CNTNAP2: variants seen among roughly 807,000 people sequenced by gnomAD.
CNTNAP2 encodes the protein contactin-associated protein-like 2.
Under a neutral mutation model 155.2 loss-of-function variants are expected in CNTNAP2, and 98 were observed. That is an observed-to-expected ratio of 0.63 (90% CI 0.54 to 0.75). The LOEUF (loss-of-function observed/expected upper bound fraction) is 0.75, where lower values mean the gene tolerates loss of function less well. Among genes scored for constraint, CNTNAP2 ranks in the 30% least tolerant of loss-of-function variants. The probability of loss-of-function intolerance (pLI) is 0.00; values close to 1 mark genes in which losing one functional copy is unlikely to be tolerated. For synonymous variants in CNTNAP2, 651 were observed against 631.2 expected (o/e 1.03, Z -0.47); for missense variants, 1,727 against 1,688.1 (o/e 1.02, Z -0.40).
intron 1 of CNTNAP2, among the ~76,000 whole-genome samples, chr7:146,227,509 A>G (rs2116907585): frequency 6.6e-6 from 1 of 151,832 alleles, no homozygotes; most frequent in Non-Finnish European, 1.5e-5. Context: ...GACTCTAGTT[A>G]TTGACACTAT....
chr7:148,067,955 T>G (rs1321561879), intron 15 of CNTNAP2, among the ~76,000 whole-genome samples: 1 of 152,020 alleles, frequency 6.6e-6, no homozygotes, highest in Admixed American at 6.6e-5. Flanking sequence ...CTGGCCTCAC[T>G]CACTTCCCAC....
At chr7:146,313,031 A>G (rs1427550781) in intron 1 of CNTNAP2, among the ~76,000 whole-genome samples, 1 of 152,206 alleles carries the variant, frequency 6.6e-6, no homozygotes, top group Non-Finnish European at 1.5e-5. Context: ...GAATGCCGAT[A>G]TCTCCTTGAC....
At chr7:146,492,198 A>G (rs1273744017) in intron 1 of CNTNAP2, among the ~76,000 whole-genome samples, 1 of 146,116 alleles carries the variant, frequency 6.8e-6, no homozygotes, top group Admixed American at 6.8e-5. Flanking sequence ...CCAAATACAT[A>G]TAAAAGGTTG....
chr7:147,868,441 G>A (rs1222545397), intron 13 of CNTNAP2, among the ~76,000 whole-genome samples: 1 of 152,216 alleles, frequency 6.6e-6, no homozygotes, highest in East Asian at 1.9e-4. Context: ...CCCACTTGAG[G>A]AGGCAGTCTG....
intron 8 of CNTNAP2, among the ~76,000 whole-genome samples, chr7:147,268,208 A>ATTTAAATGTATGTACATCCTC (rs141507068): frequency 0.12 from 18,646 of 152,004 alleles, 1,222 homozygotes; most frequent in Non-Finnish European, 0.15. Context: ...CTATCTAAAA[A>ATTTAAATGTATGTACATCCTC]TTTAAATGTA....
chr7:148,210,303 G>A (rs1795523120), intron 18 of CNTNAP2, among the ~76,000 whole-genome samples: 2 of 152,214 alleles, frequency 1.3e-5, no homozygotes, highest in Admixed American at 6.5e-5. Flanking sequence ...GAAGTTAGCT[G>A]TAGTGAAGCC....
At chr7:146,197,618 C>T (rs1486610178) in intron 1 of CNTNAP2, among the ~76,000 whole-genome samples, 2 of 152,102 alleles carry the variant, frequency 1.3e-5, no homozygotes, top group East Asian at 3.9e-4. Flanking sequence ...TTAAGTATAA[C>T]TTTAAGCCAA....
intron 13 of CNTNAP2, among the ~76,000 whole-genome samples, chr7:147,833,889 T>C (rs1418040579): frequency 2.6e-5 from 4 of 152,006 alleles, no homozygotes; most frequent in Non-Finnish European, 5.9e-5. Context: ...CAGACAGATA[T>C]CTGGTACCCC....
chr7:146,343,341 C>T (rs1794763115), intron 1 of CNTNAP2, among the ~76,000 whole-genome samples: 1 of 151,962 alleles, frequency 6.6e-6, no homozygotes, highest in Non-Finnish European at 1.5e-5. Context: ...TTCACACCTT[C>T]TCTCTCTGTC....
At chr7:147,315,403 A>G (rs2116806513) in intron 9 of CNTNAP2, among the ~76,000 whole-genome samples, 1 of 150,730 alleles carries the variant, frequency 6.6e-6, no homozygotes, top group African/African-American at 2.4e-5. Context: ...TTCTTCCACA[A>G]AACCCCAAAT....
At chr7:146,421,495 A>G (rs1194425025) in intron 1 of CNTNAP2, among the ~76,000 whole-genome samples, 1 of 152,030 alleles carries the variant, frequency 6.6e-6, no homozygotes, top group African/African-American at 2.4e-5. Flanking sequence ...TGAGTTTTAC[A>G]ACAGGTAGAA....
At chr7:147,324,087 A>G (rs571667265) in intron 9 of CNTNAP2, among the ~76,000 whole-genome samples, 1 of 152,280 alleles carries the variant, frequency 6.6e-6, no homozygotes, top group South Asian at 2.1e-4. Flanking sequence ...TAGAATAGGA[A>G]ATTAAGAGGC....
In CNTNAP2 at chr7:147,622,766, G is replaced by T. The variant is rs145976520; in HGVS notation, c.1898-16340G>T. Among the ~76,000 whole-genome samples, 495 of 151,842 alleles carry T rather than the reference G, an allele frequency of 3.3e-3. 3 individuals are homozygous for T. The highest frequency in any genetic ancestry group is 0.011 in the African/African-American group (466 of 41,488). ...CCAAACTTAAAATTAGTGGAAGAAA[G>T]AAATAATAAAGATCAGAGCATAAAT... On this transcript the variant is annotated intron_variant, in intron 12 of 23. Coordinates refer to ENST00000361727, the MANE Select transcript of CNTNAP2 (RefSeq NM_014141.6).
chr7:147,609,648 G>A (rs1347736576), intron 12 of CNTNAP2, among the ~76,000 whole-genome samples: 7 of 152,220 alleles, frequency 4.6e-5, no homozygotes, highest in Non-Finnish European at 7.4e-5. Context: ...GGAAAAAATA[G>A]AGGTGATGTA....
chr7:148,195,462 C>A (rs1188254238), intron 18 of CNTNAP2, among the ~76,000 whole-genome samples: 1 of 152,150 alleles, frequency 6.6e-6, no homozygotes, highest in Non-Finnish European at 1.5e-5. Flanking sequence ...TCTTAGTTGA[C>A]CTTTCTCTGT....
At chr7:148,391,924 TCA>T (rs1235855635) in intron 22 of CNTNAP2, among the ~76,000 whole-genome samples, 3 of 152,150 alleles carry the variant, frequency 2.0e-5, no homozygotes, top group African/African-American at 7.2e-5. Context: ...GAGTGTTTTA[TCA>T]CATTCGTGAT....
Position 147,023,950 on chromosome 7 carries a change from T to C in CNTNAP2, c.403-19957T>C, listed in dbSNP as rs143386547. Among the ~76,000 whole-genome samples the C allele has an allele frequency of 5.3e-5, 8 of 152,350 alleles. No homozygotes were observed. In the East Asian group the frequency reaches 1.2e-3, roughly 22 times the overall value. On this transcript the variant is annotated intron_variant, in intron 3 of 23. Coordinates refer to ENST00000361727, the MANE Select transcript of CNTNAP2 (RefSeq NM_014141.6). ...AATAAGTTACTGTTATACTCCTCTC[T>C]TTATTTCCCGAATCTCCTATTCATG...
chr7:146,144,293 AG>A (rs910023950), intron 1 of CNTNAP2, among the ~76,000 whole-genome samples: 10 of 152,072 alleles, frequency 6.6e-5, no homozygotes, highest in African/African-American at 2.2e-4. Context: ...CTGGAACCAC[AG>A]GTGCGCACCA....
At chr7:146,791,162 C>T (rs1465445271) in intron 2 of CNTNAP2, among the ~76,000 whole-genome samples, 3 of 151,736 alleles carry the variant, frequency 2.0e-5, no homozygotes, top group Admixed American at 2.0e-4. Context: ...CATTGTTCAA[C>T]TCCCACTTAT....
Sources: allele counts gnomAD v4.1 joint callset (sites outside exome capture counted in the v4.1 genomes callset), GRCh38; gene constraint gnomAD v4.1.1; transcripts MANE v1.5; gene names NCBI Gene and HGNC (gene_info 2026-07-23, HGNC 2026-07-21).